Variants in SPSB1 observed in about 807,000 individuals in gnomAD.
SPSB1 encodes the protein splA/ryanodine receptor domain and SOCS box containing 1.
Under a neutral mutation model 21.2 loss-of-function variants are expected in SPSB1, and 8 were observed. That is an observed-to-expected ratio of 0.38 (90% CI 0.22 to 0.68). SPSB1 has a LOEUF of 0.68. SPSB1 is among the 30% of genes least tolerant of loss of function. The pLI is 0.53. For synonymous variants in SPSB1, 169 were observed against 161.7 expected, an observed-to-expected ratio of 1.05 and a Z score of -0.34; for missense variants, 242 against 377.8, an observed-to-expected ratio of 0.64 and a Z score of 2.98.
chr1:9,365,647 C>T (rs1423673257), intron 2 of SPSB1, among the ~76,000 whole-genome samples: 6 of 152,242 alleles, frequency 3.9e-5, no homozygotes, highest in Non-Finnish European at 8.8e-5. Context: ...TCTCTCCATT[C>T]TGCCATGCCC....
chr1:9,321,069 C>T lies in SPSB1; in HGVS notation c.-150+27998C>T, dbSNP rs1481340234. ...AAAGGCAGCCGTGTAATTACAGGTA[C>T]TGGAAATAGTCCTGTTTCCCTTTCA... is the stretch of plus-strand genomic sequence containing the variant. On this transcript the variant is annotated intron_variant, in intron 1 of 2. Coordinates refer to ENST00000328089, the MANE Select transcript of SPSB1 (RefSeq NM_025106.4). The surrounding 1 kb of genome is among the most constrained non-coding windows in gnomAD (Gnocchi z 4.8). Among the ~76,000 whole-genome samples, 1 of 152,304 alleles carries T rather than the reference C, an allele frequency of 6.6e-6. No homozygotes were observed. Among genetic ancestry groups the T allele is most frequent in the South Asian group, 2.1e-4 (1 of 4,826 alleles).
intron 1 of SPSB1, among the ~76,000 whole-genome samples, chr1:9,308,388 T>C (rs1639456739): frequency 6.6e-6 from 1 of 152,146 alleles, no homozygotes; most frequent in Non-Finnish European, 1.5e-5. Flanking sequence ...GCCCTGACTG[T>C]GGGTCGGGGG....
chr1:9,362,133 G>A (rs574615914), intron 2 of SPSB1, among the ~76,000 whole-genome samples: 101 of 152,296 alleles, frequency 6.6e-4, no homozygotes, highest in African/African-American at 2.2e-3. Context: ...GGACTCTGCC[G>A]GGAGCTACTC....
intron 1 of SPSB1, among the ~76,000 whole-genome samples, chr1:9,353,963 G>A (rs1045213100): frequency 6.6e-6 from 1 of 151,950 alleles, no homozygotes; most frequent in Non-Finnish European, 1.5e-5. Context: ...GAAAGGGGAG[G>A]GCGAGAAGCA....
chr1:9,355,985 T>G lies in SPSB1; in HGVS notation c.94T>G (p.Cys32Gly). 6.2e-7 allele frequency: 1 copy of G among 1,614,096 alleles called. No individual in the cohort carries two copies. The highest frequency in any genetic ancestry group is 8.5e-7 in the Non-Finnish European group (1 of 1,180,006). The change falls in exon 2 of 3, where the codon TGC becomes GGC. Residue 32 changes from cysteine to glycine, a missense_variant. Coordinates refer to ENST00000328089, the MANE Select transcript of SPSB1 (RefSeq NM_025106.4). ...GCAGGAGCTCCAGGGTCTGGATTAC[T>G]GCAAGCCCACCCGGCTGGATCTGCT... ...LKQELQGLDYCKPTRLDLLLD... is the reference protein window; with the variant it reads ...LKQELQGLDYGKPTRLDLLLD...
At chr1:9,319,102 T>C (rs1280579914) in intron 1 of SPSB1, among the ~76,000 whole-genome samples, 1 of 151,972 alleles carries the variant, frequency 6.6e-6, no homozygotes, top group African/African-American at 2.4e-5. Context: ...TGCTTGAACC[T>C]GGGAGGAGGC....
chr1:9,300,000 A>G lies in SPSB1; in HGVS notation c.-150+6929A>G, dbSNP rs975008173. Among the ~76,000 whole-genome samples, 4 of 150,386 alleles carry G rather than the reference A, an allele frequency of 2.7e-5. No individual in the cohort carries two copies. The South Asian group carries it at 6.3e-4, about 24-fold the overall frequency. ...AAAAAAAAGGGTCTCATGCTGGTCCATTACATTGATGTCATCATGCTTCAT... is the reference window on the plus strand; with the variant it reads ...AAAAAAAAGGGTCTCATGCTGGTCCGTTACATTGATGTCATCATGCTTCAT... On this transcript the variant is annotated intron_variant, in intron 1 of 2. Coordinates refer to ENST00000328089, the MANE Select transcript of SPSB1 (RefSeq NM_025106.4).
At chr1:9,320,001 A>G (rs1173432936) in intron 1 of SPSB1, among the ~76,000 whole-genome samples, 1 of 152,036 alleles carries the variant, frequency 6.6e-6, no homozygotes, top group African/African-American at 2.4e-5. Context: ...TCGACTTCTC[A>G]GGGGTGGAGG....
At chr1:9,316,605 TG>T (rs1639619271) in intron 1 of SPSB1, among the ~76,000 whole-genome samples, 1 of 152,136 alleles carries the variant, frequency 6.6e-6, no homozygotes, top group African/African-American at 2.4e-5. Flanking sequence ...TACGAAAGGC[TG>T]GGAGCGTTTT....
At chr1:9,344,513 C>T (rs1640140031) in intron 1 of SPSB1, among the ~76,000 whole-genome samples, 1 of 152,192 alleles carries the variant, frequency 6.6e-6, no homozygotes, top group African/African-American at 2.4e-5. Context: ...CGCTCTCCTG[C>T]ACTTGGCATT....
intron 1 of SPSB1, among the ~76,000 whole-genome samples, chr1:9,349,925 C>T (rs1640229128): frequency 6.6e-6 from 1 of 152,130 alleles, no homozygotes; most frequent in Non-Finnish European, 1.5e-5. Context: ...AGCTCCTGTA[C>T]ATACATATGC....
At chr1:9,307,549 C>T (rs1366015378) in intron 1 of SPSB1, among the ~76,000 whole-genome samples, 1 of 152,212 alleles carries the variant, frequency 6.6e-6, no homozygotes, top group East Asian at 1.9e-4. Flanking sequence ...AAGATTGAAG[C>T]ATTTCCTAAG....
At chr1:9,311,839 A>G (rs1382800691) in intron 1 of SPSB1, among the ~76,000 whole-genome samples, 1 of 151,646 alleles carries the variant, frequency 6.6e-6, no homozygotes, top group Non-Finnish European at 1.5e-5. Flanking sequence ...GGGGGTATGA[A>G]TTTTCTTGGT....
At chr1:9,334,520 C>T (rs1378900503) in intron 1 of SPSB1, among the ~76,000 whole-genome samples, 2 of 152,214 alleles carry the variant, frequency 1.3e-5, no homozygotes, top group Non-Finnish European at 2.9e-5. Flanking sequence ...CGTGCCTGGC[C>T]AAATTTACCA....
rs537430421 is a variant in SPSB1 at position 9,348,732 on chromosome 1, C to G, written c.-149-7011C>G. On this transcript the variant is annotated intron_variant, in intron 1 of 2. Transcript: ENST00000328089. The surrounding 1 kb of genome is among the most constrained non-coding windows in gnomAD (Gnocchi z 4.8). The stretch of plus-strand genomic sequence containing the variant: ...ACCCAGACAACCTTAAATGGCTGTT[C>G]GAAGCTGGCCGAGGGAGTACGGGGC... 6.6e-6 allele frequency among the ~76,000 whole-genome samples: 1 copy of G among 151,920 alleles called. No homozygotes were observed. Among genetic ancestry groups the G allele is most frequent in the African/African-American group, 2.4e-5 (1 of 41,336 alleles).
chr1:9,326,176 G>A (rs1405704750), intron 1 of SPSB1, among the ~76,000 whole-genome samples: 1 of 152,036 alleles, frequency 6.6e-6, no homozygotes, highest in Non-Finnish European at 1.5e-5. Flanking sequence ...GCCTTTCATT[G>A]GTTGAGGTTT....
At chr1:9,341,589 G>T (rs1335129720) in intron 1 of SPSB1, among the ~76,000 whole-genome samples, 2 of 152,246 alleles carry the variant, frequency 1.3e-5, no homozygotes, top group Non-Finnish European at 2.9e-5. Flanking sequence ...TTCTGCCGGT[G>T]ACATCTTGTC....
In SPSB1 at chr1:9,348,550, C is replaced by A. The variant is rs1248188901; in HGVS notation, c.-149-7193C>A. On this transcript the variant is annotated intron_variant, in intron 1 of 2. Coordinates refer to ENST00000328089, the MANE Select transcript of SPSB1 (RefSeq NM_025106.4). This position sits in a 1 kb window ranked among gnomAD's most constrained non-coding sequence, Gnocchi z 4.8. ...TTGACTCCTCCCCATCCCCTGGGAT[C>A]AGCATTCATTTCCAGGCTTCCTTCC... 1.3e-5 allele frequency among the ~76,000 whole-genome samples: 2 copies of A among 152,230 alleles called. No homozygotes were observed. Among genetic ancestry groups the A allele is most frequent in the East Asian group, 3.9e-4 (2 of 5,150 alleles).
chr1:9,306,555 G>A (rs1328963791), intron 1 of SPSB1, among the ~76,000 whole-genome samples: 1 of 152,196 alleles, frequency 6.6e-6, no homozygotes, highest in Non-Finnish European at 1.5e-5. Context: ...TATAGGGTAG[G>A]TACTACCCAT....
Sources: allele counts gnomAD v4.1 joint callset (sites outside exome capture counted in the v4.1 genomes callset), GRCh38; gene constraint gnomAD v4.1.1; non-coding constraint Gnocchi (gnomAD v3.1); transcripts MANE v1.5; gene names NCBI Gene and HGNC (gene_info 2026-07-23, HGNC 2026-07-21).